The following THSD7B variants were observed in gnomAD, a reference collection of about 807,000 sequenced individuals.
The protein encoded by THSD7B is thrombospondin type 1 domain containing 7B, also known as thrombospondin type-1 domain-containing protein 7B.
In THSD7B, 138 loss-of-function variants were observed where a neutral mutation model predicts 213.6. The observed-to-expected ratio is 0.65, with a 90% CI of 0.56 to 0.74. The LOEUF is 0.74. Among genes scored for constraint, THSD7B ranks in the 30% least tolerant of loss-of-function variants. The pLI, the probability that THSD7B is intolerant of heterozygous loss-of-function variation, is 0.00. For missense variants in THSD7B, 1,931 were observed against 1,991.5 expected (o/e 0.97, Z 0.58); for synonymous variants, 742 against 687.0 (o/e 1.08, Z -1.25).
intron 1 of THSD7B, among the ~76,000 whole-genome samples, chr2:136,780,138 C>T (rs1050619856): frequency 4.6e-5 from 7 of 152,044 alleles, no homozygotes; most frequent in African/African-American, 1.7e-4. Context: ...ATGGGTAATT[C>T]ATAAATAATT....
chr2:136,962,743 T>C (rs1328097736), intron 2 of THSD7B, among the ~76,000 whole-genome samples: 1 of 152,160 alleles, frequency 6.6e-6, no homozygotes, highest in Non-Finnish European at 1.5e-5. Context: ...ACAAAAATGA[T>C]TGAAAGCACT....
chr2:137,591,281 G>T (rs2104813678), intron 17 of THSD7B, among the ~76,000 whole-genome samples: 1 of 151,760 alleles, frequency 6.6e-6, no homozygotes, highest in Admixed American at 6.6e-5. Flanking sequence ...ATCTTTTGTA[G>T]TAATGAAACA....
chr2:137,151,298 C>A (rs997635272), intron 5 of THSD7B, among the ~76,000 whole-genome samples: 16 of 152,008 alleles, frequency 1.1e-4, no homozygotes, highest in Admixed American at 7.2e-4. Flanking sequence ...AAGCTTTTTT[C>A]CATTTTTAAC....
chr2:137,486,488 T>C (rs919543761), intron 15 of THSD7B, among the ~76,000 whole-genome samples: 2 of 151,500 alleles, frequency 1.3e-5, no homozygotes, highest in Non-Finnish European at 2.9e-5. Context: ...CCCAGATTCA[T>C]AAAGCAAGTC....
At chr2:137,514,472 C>T (rs2105157195) in intron 15 of THSD7B, among the ~76,000 whole-genome samples, 1 of 152,328 alleles carries the variant, frequency 6.6e-6, no homozygotes, top group Admixed American at 6.5e-5. Flanking sequence ...CCTCAGCTTA[C>T]AGATGGCCTA....
intron 12 of THSD7B, among the ~76,000 whole-genome samples, chr2:137,404,460 T>C (rs867008731): frequency 4.8e-4 from 49 of 102,324 alleles, no homozygotes; most frequent in Non-Finnish European, 7.9e-4. Flanking sequence ...TATATATATA[T>C]ATATATATAT....
chr2:137,054,891 C>T lies in THSD7B; in HGVS notation c.140-1529C>T, dbSNP rs368044723. Among the ~76,000 whole-genome samples, 34 of 152,038 alleles carry T rather than the reference C, an allele frequency of 2.2e-4. No individual in the cohort carries two copies. In the East Asian group the frequency reaches 3.7e-3, roughly 16 times the overall value. The stretch of plus-strand genomic sequence containing the variant: ...AACCCATCATCTAGGTTTTAAGCCC[C>T]GCATGCATTAGGTATTCGTCTTAAT... On this transcript the variant is annotated intron_variant, in intron 2 of 27. Transcript: ENST00000409968.
At chr2:137,278,295 A>G (rs957228321) in intron 12 of THSD7B, among the ~76,000 whole-genome samples, 5 of 152,146 alleles carry the variant, frequency 3.3e-5, no homozygotes, top group South Asian at 2.1e-4. Context: ...AAAGCCTTCC[A>G]GAGTAAACAC....
intron 15 of THSD7B, among the ~76,000 whole-genome samples, chr2:137,488,176 AG>A (rs760771490): frequency 3.3e-5 from 5 of 152,220 alleles, no homozygotes; most frequent in Non-Finnish European, 7.3e-5. Context: ...GGAACTAAAA[AG>A]GTGAACTATT....
chr2:137,052,733 C>T (rs1687091869), intron 2 of THSD7B, among the ~76,000 whole-genome samples: 1 of 152,018 alleles, frequency 6.6e-6, no homozygotes, highest in African/African-American at 2.4e-5. Context: ...TTTGAAATGG[C>T]AAAACCCCTT....
At chr2:136,933,110 TC>T (rs1684659626) in intron 2 of THSD7B, among the ~76,000 whole-genome samples, 2 of 34,124 alleles carry the variant, frequency 5.9e-5, no homozygotes, top group African/African-American at 1.3e-4. Flanking sequence ...TGCCCGCCAT[TC>T]CTTCCTTCCT....
chr2:137,363,359 T>C (rs560210986), intron 12 of THSD7B, among the ~76,000 whole-genome samples: 2 of 151,966 alleles, frequency 1.3e-5, no homozygotes, highest in African/African-American at 4.8e-5. Flanking sequence ...ATTCAAAAGC[T>C]AGCAGAAGGC....
At chr2:137,375,798 G>C (rs1042188216) in intron 12 of THSD7B, among the ~76,000 whole-genome samples, 3 of 152,178 alleles carry the variant, frequency 2.0e-5, no homozygotes, top group Non-Finnish European at 4.4e-5. Flanking sequence ...CCTTGAGAGA[G>C]TCTATGGAGG....
At chr2:137,458,969 A>T (rs966224670) in intron 15 of THSD7B, among the ~76,000 whole-genome samples, 29 of 143,848 alleles carry the variant, frequency 2.0e-4, no homozygotes, top group Non-Finnish European at 3.9e-4. Context: ...CTGATATCTT[A>T]TCTTTCTTAC....
chr2:137,534,914 C>A (rs936713821), intron 15 of THSD7B, among the ~76,000 whole-genome samples: 6 of 151,708 alleles, frequency 4.0e-5, no homozygotes, highest in Admixed American at 6.6e-5. Flanking sequence ...AAAATATAGA[C>A]ATATTCAATT....
intron 4 of THSD7B, 26 bp from the exon 5 acceptor site, chr2:137,115,098 T>A (rs1688421222): frequency 6.2e-7 from 1 of 1,613,600 alleles, no homozygotes; most frequent in African/African-American, 1.3e-5. Flanking sequence ...TTCTTCTTCT[T>A]CTTTTAAATA....
chr2:136,983,089 AC>A (rs1349442415), intron 2 of THSD7B, among the ~76,000 whole-genome samples: 73 of 151,784 alleles, frequency 4.8e-4, no homozygotes, highest in Non-Finnish European at 9.3e-4. Flanking sequence ...AAAAAAAAAA[AC>A]ATTTCTAATG....
At chr2:137,115,036 G>T (rs1412245895) in intron 4 of THSD7B, 88 bp from the exon 5 acceptor site, 3 of 1,445,208 alleles carry the variant, frequency 2.1e-6, no homozygotes, top group Non-Finnish European at 9.5e-7. Context: ...GAGAGATTAT[G>T]CCTCTTGATG....
intron 2 of THSD7B, among the ~76,000 whole-genome samples, chr2:136,897,735 T>C (rs1455216324): frequency 6.6e-6 from 1 of 152,172 alleles, no homozygotes; most frequent in East Asian, 1.9e-4. Context: ...AGAGTGCTGA[T>C]TGGTGCATTT....
Sources: gnomAD v4.1 joint callset for allele counts (sites outside exome capture counted in the v4.1 genomes callset) on GRCh38, gnomAD v4.1.1 for gene constraint, MANE v1.5 for transcripts, NCBI Gene and HGNC (gene_info 2026-07-23, HGNC 2026-07-21) for gene names.